NUP160: variants seen among roughly 807,000 people sequenced by gnomAD.
NUP160 encodes the protein nucleoporin 160.
A neutral mutation model predicts 196.9 loss-of-function variants in NUP160; 94 were observed. That is an observed-to-expected ratio of 0.48 (90% CI 0.40 to 0.57). NUP160 has a LOEUF of 0.57. Among genes scored for constraint, NUP160 ranks in the 20% least tolerant of loss-of-function variants. The probability of loss-of-function intolerance (pLI) is 0.00; values close to 1 mark genes in which losing one functional copy is unlikely to be tolerated. For synonymous variants in NUP160, 605 were observed against 619.7 expected (o/e 0.98, Z 0.35); for missense variants, 1,638 against 1,748.3 (o/e 0.94, Z 1.13).
At chr11:47,828,502 G>C (rs545940377) in intron 7 of NUP160, among the ~76,000 whole-genome samples, 1 of 152,068 alleles carries the variant, frequency 6.6e-6, no homozygotes, top group Non-Finnish European at 1.5e-5. Flanking sequence ...TGCTAAGATG[G>C]CAATATTTTA....
intron 9 of NUP160, chr11:47,821,352 C>A: frequency 1.1e-5 from 1 of 94,964 alleles, no homozygotes; most frequent in South Asian, 3.6e-4. Context: ...GCTCCCTTGT[C>A]TTTTTTTTTT....
intron 7 of NUP160, among the ~76,000 whole-genome samples, chr11:47,829,370 A>G (rs1453950787): frequency 1.3e-5 from 2 of 152,166 alleles, no homozygotes; most frequent in East Asian, 3.9e-4. Flanking sequence ...GGATGGTGCG[A>G]TCCCGGCTCA....
chr11:47,841,918 G>A (rs4752874), intron 2 of NUP160, among the ~76,000 whole-genome samples: 140,936 of 151,866 alleles, frequency 0.93, 66,325 homozygotes, highest in East Asian at 1. Context: ...TGAACTCCTG[G>A]CCTCAAGCCT....
intron 8 of NUP160, 41 bp from the exon 9 acceptor site, chr11:47,821,862 G>A: frequency 1.4e-6 from 2 of 1,474,200 alleles, no homozygotes; most frequent in Non-Finnish European, 1.9e-6. Context: ...AAATAAGAAA[G>A]AAAGTAGTAG....
At chr11:47,782,296 AAAAAAAAATAT>A (rs1365938560) in intron 34 of NUP160, among the ~76,000 whole-genome samples, 49 of 49,454 alleles carry the variant, frequency 9.9e-4, no homozygotes, top group Non-Finnish European at 1.4e-3. Flanking sequence ...AGTTAAAAAA[AAAAAAAAATAT>A]ATATATATAT....
At position 47,791,669 on chromosome 11, in the gene NUP160, A is replaced by T. The variant is rs149816100; in HGVS notation, c.3511+261T>A. On this transcript the variant is annotated intron_variant, in intron 29 of 35. Transcript: ENST00000378460. Reference sequence around the variant, plus strand: ...TTAACTTTTTCAATATTTCTAGGCTATGTGGTTCAACTGGGAGTTTTTTCA... The same window carrying T: ...TTAACTTTTTCAATATTTCTAGGCTTTGTGGTTCAACTGGGAGTTTTTTCA... Among the ~76,000 whole-genome samples, 791 of 152,220 alleles carry T rather than the reference A, an allele frequency of 5.2e-3. 9 individuals carry two copies. Among genetic ancestry groups the T allele is most frequent in the African/African-American group, 0.017 (708 of 41,536 alleles).
At chr11:47,800,780 T>C (rs144886889) in intron 23 of NUP160, among the ~76,000 whole-genome samples, 372 of 152,328 alleles carry the variant, frequency 2.4e-3, no homozygotes, top group Middle Eastern at 0.014. Context: ...TTCTGTGGCA[T>C]TTACTTTCTG....
Position 47,835,642 on chromosome 11 carries a change from G to A in NUP160, c.1101+9C>T. 6.4e-7 allele frequency: 1 copy of A among 1,562,332 alleles called. No individual in the cohort carries two copies. The highest frequency in any genetic ancestry group is 8.7e-7 in the Non-Finnish European group (1 of 1,154,860). ...GAATAACTTGGTATGTGTCTTATTT[G>A]TTTCATACCTGTCCTCGTTTTGGTG... On this transcript the variant is annotated intron_variant, in intron 7 of 35. Coordinates refer to ENST00000378460, the Ensembl canonical transcript of NUP160.
intron 10 of NUP160, among the ~76,000 whole-genome samples, chr11:47,819,027 G>T (rs1472977097): frequency 6.6e-6 from 1 of 151,932 alleles, no homozygotes; most frequent in Non-Finnish European, 1.5e-5. Flanking sequence ...AAAATGTGGA[G>T]ATTTGGCCGG....
chr11:47,845,194 G>A (rs1177675976), intron 2 of NUP160, among the ~76,000 whole-genome samples: 1 of 152,130 alleles, frequency 6.6e-6, no homozygotes, highest in Non-Finnish European at 1.5e-5. Context: ...AGGCTGGAGT[G>A]CAATGGTGTG....
At chr11:47,811,963 C>T in intron 17 of NUP160, 101 bp downstream of exon 17, 1 of 1,037,744 alleles carries the variant, frequency 9.6e-7, no homozygotes, top group East Asian at 2.5e-5. Flanking sequence ...TGAACCAAGA[C>T]AAAAGTATCT....
chr11:47,783,065 A>G lies in NUP160; in HGVS notation c.4116+8T>C. ...ATTGTAAATTGGGGACCATTTGTAT[A>G]TGCCTACCTCAATTCCGAAGTATTG... On this transcript the variant is annotated splice_region_variant and intron_variant, in intron 34 of 35. Transcript: ENST00000378460. The G allele has an allele frequency of 6.2e-7, 1 of 1,611,872 alleles. No homozygotes were observed. Among genetic ancestry groups the G allele is most frequent in the Non-Finnish European group, 8.5e-7 (1 of 1,178,650 alleles).
intron 10 of NUP160, among the ~76,000 whole-genome samples, 157 bp from the exon 11 acceptor site, chr11:47,818,281 A>G (rs1034400752): frequency 1.3e-5 from 2 of 152,098 alleles, no homozygotes; most frequent in Non-Finnish European, 2.9e-5. Context: ...TTTCACACTG[A>G]AAGTGAAGAC....
At chr11:47,781,338 C>A (rs2097660712) in intron 34 of NUP160, among the ~76,000 whole-genome samples, 1 of 151,892 alleles carries the variant, frequency 6.6e-6, no homozygotes, top group Non-Finnish European at 1.5e-5. Flanking sequence ...TCATAGCTCA[C>A]TGTACCCTCA....
chr11:47,847,653 G>GGT (rs1555009765), intron 2 of NUP160, among the ~76,000 whole-genome samples, 195 bp downstream of exon 2: 1 of 123,466 alleles, frequency 8.1e-6, no homozygotes, highest in Non-Finnish European at 1.6e-5. Context: ...GGGGGTGGGG[G>GGT]GGGGGAGGGG....
chr11:47,825,682 AC>A (rs1299136396), intron 7 of NUP160, among the ~76,000 whole-genome samples: 2 of 151,668 alleles, frequency 1.3e-5, no homozygotes, highest in Non-Finnish European at 2.9e-5. Flanking sequence ...CAAACTCCTG[AC>A]CTCAAGTGAT....
At chr11:47,781,038 A>G (rs1253975721) in intron 34 of NUP160, among the ~76,000 whole-genome samples, 3 of 151,510 alleles carry the variant, frequency 2.0e-5, no homozygotes, top group Non-Finnish European at 4.4e-5. Context: ...CAGCCTGGCC[A>G]ATATGGTGAA....
exon 20 of NUP160, chr11:47,806,292 C>A: frequency 6.2e-7 from 1 of 1,613,546 alleles, no homozygotes; most frequent in South Asian, 1.1e-5. Flanking sequence ...AATAACTCCA[C>A]AATAGTCTGA....
At chr11:47,806,167 A>G (rs1450616239) in exon 20 of NUP160, 1 of 1,614,074 alleles carries the variant, frequency 6.2e-7, no homozygotes, top group South Asian at 1.1e-5. Flanking sequence ...GCTGCAATAA[A>G]TAACTGGTAA....
Sources: allele counts gnomAD v4.1 joint callset (sites outside exome capture counted in the v4.1 genomes callset), GRCh38; gene constraint gnomAD v4.1.1; transcripts MANE v1.5; gene names NCBI Gene and HGNC (gene_info 2026-07-23, HGNC 2026-07-21).